The following CHSY3 variants were observed in gnomAD, a reference collection of about 807,000 sequenced individuals.
CHSY3 encodes the protein N-acetylgalactosaminyl-proteoglycan 3-beta-glucuronosyltransferase 3.
CHSY3 carries 35 observed loss-of-function variants against 67.2 expected under a neutral mutation model. That is an observed-to-expected ratio of 0.52 (90% CI 0.40 to 0.69). The LOEUF (loss-of-function observed/expected upper bound fraction) is 0.69, where lower values mean the gene tolerates loss of function less well. Among genes scored for constraint, CHSY3 ranks in the 30% least tolerant of loss-of-function variants. The probability of loss-of-function intolerance (pLI) is 0.00; values close to 1 mark genes in which losing one functional copy is unlikely to be tolerated. For missense variants in CHSY3, 1,069 were observed against 1,138.5 expected (o/e 0.94, Z 0.88); for synonymous variants, 474 against 434.7 (o/e 1.09, Z -1.12).
intron 2 of CHSY3, among the ~76,000 whole-genome samples, chr5:129,950,166 CAA>C (rs34124435): frequency 0.034 from 4,769 of 138,864 alleles, 193 homozygotes; most frequent in African/African-American, 0.1. Context: ...GACTCCATCT[CAA>C]AAAAAAAAAA....
At position 130,185,981 on chromosome 5, in the gene CHSY3, T is replaced by G; in HGVS notation, c.*190T>G. On this transcript the variant is annotated 3_prime_UTR_variant, in exon 3 of 3. Transcript: ENST00000305031. ...GACCTCAAGCAAGAAGAGTCTGCAG[T>G]TCACTGATGTTTCAGATTTCTACTG... The G allele has an allele frequency of 1.2e-5, 4 of 320,724 alleles. No individual in the cohort carries two copies. The highest frequency in any genetic ancestry group is 4.9e-5 in the East Asian group (1 of 20,210). 19.9% of individuals were successfully genotyped at this position (320,724 alleles called of 1,614,324 possible).
At chr5:129,962,837 C>A (rs1206628817) in intron 2 of CHSY3, among the ~76,000 whole-genome samples, 1 of 152,006 alleles carries the variant, frequency 6.6e-6, no homozygotes, top group African/African-American at 2.4e-5. Flanking sequence ...GCAGAATTAT[C>A]ATCCAGAAGA....
rs956800658 is a variant in CHSY3 at position 129,930,512 on chromosome 5, G to T, written c.1086+22152G>T. On this transcript the variant is annotated intron_variant, in intron 2 of 2. Coordinates refer to ENST00000305031, the MANE Select transcript of CHSY3 (RefSeq NM_175856.5). ...TTTAAAAGGAGGCATCACTGGCGGGGGGGGGGTATGAAGTTTTGCCTGGAG... is the reference window on the plus strand; with the variant it reads ...TTTAAAAGGAGGCATCACTGGCGGGTGGGGGGTATGAAGTTTTGCCTGGAG... 7.4e-5 allele frequency among the ~76,000 whole-genome samples: 11 copies of T among 148,014 alleles called. No homozygotes were observed. In the South Asian group the frequency reaches 9.1e-4, roughly 12 times the overall value.
intron 2 of CHSY3, among the ~76,000 whole-genome samples, chr5:130,055,792 A>G (rs899969061): frequency 1.3e-5 from 2 of 152,054 alleles, no homozygotes; most frequent in Admixed American, 6.6e-5. Flanking sequence ...AGTCCCGGAC[A>G]TTTTAACAAG....
chr5:130,035,886 G>GTTTTTTTTTTTT (rs1180462327), intron 2 of CHSY3, among the ~76,000 whole-genome samples: 6 of 65,530 alleles, frequency 9.2e-5, no homozygotes, highest in African/African-American at 1.8e-4. Context: ...TCATTTGGTT[G>GTTTTTTTTTTTT]TTTTTTTTTT....
intron 2 of CHSY3, among the ~76,000 whole-genome samples, chr5:130,090,201 T>C (rs1035499623): frequency 6.6e-6 from 1 of 152,132 alleles, no homozygotes; most frequent in African/African-American, 2.4e-5. Context: ...TACCTCTCCA[T>C]TGGAGAGTTA....
At chr5:129,952,809 C>A (rs1762060325) in intron 2 of CHSY3, among the ~76,000 whole-genome samples, 1 of 152,152 alleles carries the variant, frequency 6.6e-6, no homozygotes, top group South Asian at 2.1e-4. Context: ...TTAATGTCTA[C>A]TATATGCCAG....
intron 2 of CHSY3, among the ~76,000 whole-genome samples, chr5:130,008,248 T>C (rs1763934997): frequency 6.6e-6 from 1 of 152,054 alleles, no homozygotes; most frequent in Non-Finnish European, 1.5e-5. Flanking sequence ...TGGAGTGTTG[T>C]TGCCAGCAGA....
At chr5:130,062,586 T>A (rs1475759452) in intron 2 of CHSY3, among the ~76,000 whole-genome samples, 1 of 152,128 alleles carries the variant, frequency 6.6e-6, no homozygotes, top group African/African-American at 2.4e-5. Context: ...GTTTTCGTAC[T>A]TTAAGTTCTA....
intron 2 of CHSY3, among the ~76,000 whole-genome samples, chr5:130,045,917 G>C (rs1765133428): frequency 6.6e-6 from 1 of 152,012 alleles, no homozygotes; most frequent in South Asian, 2.1e-4. Flanking sequence ...AGGAGTAAAG[G>C]GAAGAAATTT....
At chr5:130,020,459 ATATTTTTT>A (rs1252825548) in intron 2 of CHSY3, among the ~76,000 whole-genome samples, 4 of 49,722 alleles carry the variant, frequency 8.0e-5, no homozygotes, top group South Asian at 7.5e-4. Flanking sequence ...ATATATATAT[ATATTTTTT>A]TTTTTTTTTT....
In CHSY3 at chr5:129,905,271, G is replaced by A; in HGVS notation, c.442G>A (p.Gly148Ser). ...DGGAAGQRRDGRPGSSHNGSG... is the reference protein window; with the variant it reads ...DGGAAGQRRDSRPGSSHNGSG... ...GGGCGCGGCTGGGCAGCGGAGAGAC[G>A]GCCGGCCGGGGAGTAGCCACAACGG... The change falls in exon 1 of 3, where the codon GGC becomes AGC. Residue 148 changes from glycine (G) to serine (S), a missense_variant. By Grantham distance (56) the Gly-to-Ser change is moderately conservative (BLOSUM62 0). Coordinates refer to ENST00000305031, the MANE Select transcript of CHSY3 (RefSeq NM_175856.5). 1 of 1,454,168 alleles carries A rather than the reference G, an allele frequency of 6.9e-7. No individual in the cohort carries two copies. Among genetic ancestry groups the A allele is most frequent in the South Asian group, 1.4e-5 (1 of 71,502 alleles). 90.1% of individuals were successfully genotyped at this position (1,454,168 alleles called of 1,614,324 possible). A position where few individuals can be genotyped will look rare whatever the true frequency, so the allele number is the denominator to read the frequency against.
chr5:130,149,968 T>A (rs1769186336), intron 2 of CHSY3, among the ~76,000 whole-genome samples: 1 of 152,210 alleles, frequency 6.6e-6, no homozygotes, highest in Admixed American at 6.5e-5. Context: ...TGTCTTATGA[T>A]CACAGCTATG....
chr5:130,023,745 A>C (rs1764457615), intron 2 of CHSY3, among the ~76,000 whole-genome samples: 1 of 152,038 alleles, frequency 6.6e-6, no homozygotes, highest in African/African-American at 2.4e-5. Flanking sequence ...CCCAGGGCTT[A>C]CATGTAACAC....
At position 129,936,411 on chromosome 5, in the gene CHSY3, T is replaced by A. The variant is rs952769022; in HGVS notation, c.1086+28051T>A. 3.9e-5 allele frequency among the ~76,000 whole-genome samples: 6 copies of A among 152,212 alleles called. No individual in the cohort carries two copies. In the East Asian group the frequency reaches 1.2e-3, roughly 29 times the overall value. ...GCTGACAGCGACAGGGCCTAGAGTT[T>A]TGGGTCAGCCCCTATCTAGTGTGAT... On this transcript the variant is annotated intron_variant, in intron 2 of 2. Coordinates refer to ENST00000305031, the MANE Select transcript of CHSY3 (RefSeq NM_175856.5).
At chr5:129,912,539 T>A (rs1242335157) in intron 2 of CHSY3, among the ~76,000 whole-genome samples, 1 of 152,210 alleles carries the variant, frequency 6.6e-6, no homozygotes, top group Non-Finnish European at 1.5e-5. Context: ...CTTGCTCTTT[T>A]TCTCTGTCTT....
chr5:129,958,088 A>G (rs1762229864), intron 2 of CHSY3, among the ~76,000 whole-genome samples: 1 of 152,072 alleles, frequency 6.6e-6, no homozygotes, highest in Admixed American at 6.6e-5. Context: ...AAATATTTGT[A>G]ATGTTCTCTG....
At chr5:129,980,414 T>C (rs1762948376) in intron 2 of CHSY3, among the ~76,000 whole-genome samples, 1 of 152,236 alleles carries the variant, frequency 6.6e-6, no homozygotes, top group South Asian at 2.1e-4. Flanking sequence ...CTATCTATCT[T>C]CTTTGGTGAA....
chr5:129,979,257 T>C (rs1393095580), intron 2 of CHSY3, among the ~76,000 whole-genome samples: 8 of 148,280 alleles, frequency 5.4e-5, no homozygotes, highest in Non-Finnish European at 1.0e-4. Flanking sequence ...TTAGTACTAA[T>C]TTATCAGTAA....
Sources: allele counts gnomAD v4.1 joint callset (sites outside exome capture counted in the v4.1 genomes callset), GRCh38; gene constraint gnomAD v4.1.1; transcripts MANE v1.5; gene names NCBI Gene and HGNC (gene_info 2026-07-23, HGNC 2026-07-21).